BRIP1: variants seen among roughly 807,000 people sequenced by gnomAD.
BRIP1 encodes Fanconi anemia group J protein.
In BRIP1, 88 loss-of-function variants were observed where a neutral mutation model predicts 119.7. That is an observed-to-expected ratio of 0.74 (90% CI 0.62 to 0.88). BRIP1 has a LOEUF of 0.88. BRIP1 is among the 40% of genes least tolerant of loss of function. The pLI, the probability that BRIP1 is intolerant of heterozygous loss-of-function variation, is 0.00. For synonymous variants in BRIP1, 443 were observed against 496.5 expected (o/e 0.89, Z 1.43); for missense variants, 1,259 against 1,455.4 (o/e 0.87, Z 2.20).
In BRIP1 at chr17:61,776,017, G is replaced by T; in HGVS notation, c.2097+384C>A. The T allele has an allele frequency of 4.1e-6, 1 of 244,954 alleles. No homozygotes were observed. Among genetic ancestry groups the T allele is most frequent in the Non-Finnish European group, 8.1e-6 (1 of 123,736 alleles). 15.2% of individuals were successfully genotyped at this position (244,954 alleles called of 1,614,324 possible). A position where few individuals can be genotyped will look rare whatever the true frequency, so the allele number is the denominator to read the frequency against. On this transcript the variant is annotated intron_variant, in intron 14 of 19. Transcript: ENST00000259008. The surrounding 1 kb of genome is among the most constrained non-coding windows in gnomAD (Gnocchi z 5.0). ...TCCCACCTCAGCCTCGCAGGTAGCTGGGACTATAGGTGTGTGCCACCACAC... is the reference window on the plus strand; with the variant it reads ...TCCCACCTCAGCCTCGCAGGTAGCTTGGACTATAGGTGTGTGCCACCACAC...
chr17:61,850,103 T>TC (rs1436783769), intron 4 of BRIP1, among the ~76,000 whole-genome samples: 1 of 125,710 alleles, frequency 8.0e-6, no homozygotes, highest in Non-Finnish European at 1.7e-5. Context: ...TTTTTAACCA[T>TC]CTTTTTTTTT....
chr17:61,749,943 G>C (rs1198414978), intron 14 of BRIP1, among the ~76,000 whole-genome samples: 2 of 152,118 alleles, frequency 1.3e-5, no homozygotes, highest in South Asian at 4.1e-4. Flanking sequence ...TTAAAAATAA[G>C]ATCTTTAGGA....
At chr17:61,715,699 T>C (rs1285787920) in intron 17 of BRIP1, among the ~76,000 whole-genome samples, 2 of 152,232 alleles carry the variant, frequency 1.3e-5, no homozygotes, top group Non-Finnish European at 2.9e-5. Context: ...CTTTGTGTGC[T>C]ATTCATTGTT....
At position 61,681,332 on chromosome 17, in the gene BRIP1, A is replaced by G. The variant is rs140267868; in HGVS notation, c.*1964T>C. 433 of 210,508 alleles carry G rather than the reference A, an allele frequency of 2.1e-3. 2 individuals are homozygous for G. Among genetic ancestry groups the G allele is most frequent in the African/African-American group, 9.3e-3 (412 of 44,148 alleles). The allele number at this position is 210,508 out of a possible 1,614,324, so 13.0% of individuals were successfully genotyped here. A position where few individuals can be genotyped will look rare whatever the true frequency, so the allele number is the denominator to read the frequency against. On this transcript the variant is annotated 3_prime_UTR_variant, in exon 20 of 20. Coordinates refer to ENST00000259008, the MANE Select transcript of BRIP1 (RefSeq NM_032043.3). The surrounding 1 kb of genome is among the most constrained non-coding windows in gnomAD (Gnocchi z 5.1). ...CTGGAACAAAAGCAAATGAAAATCG[A>G]CTCAGAATATCAACAGACATTCCTT... is the stretch of plus-strand genomic sequence containing the variant.
Position 61,744,723 on chromosome 17 carries a change from A to G in BRIP1, c.2098-132T>C. 2 of 824,790 alleles carry G rather than the reference A, an allele frequency of 2.4e-6. No individual in the cohort carries two copies. The highest frequency in any genetic ancestry group is 4.0e-6 in the Non-Finnish European group (2 of 501,766). 51.1% of individuals were successfully genotyped at this position (824,790 alleles called of 1,614,324 possible). On this transcript the variant is annotated intron_variant, in intron 14 of 19. Transcript: ENST00000259008. The surrounding 1 kb of genome is among the most constrained non-coding windows in gnomAD (Gnocchi z 5.0). ...GTCTTTTCTCATTTATAAAATGAGGAAAACAATATATCTCATAGAGCTGTT... is the reference window on the plus strand; with the variant it reads ...GTCTTTTCTCATTTATAAAATGAGGGAAACAATATATCTCATAGAGCTGTT...
In BRIP1 at chr17:61,815,180, A is replaced by T. The variant is rs7222799; in HGVS notation, c.628-6423T>A. Among the ~76,000 whole-genome samples, 1 of 151,178 alleles carries T rather than the reference A, an allele frequency of 6.6e-6. No individual in the cohort carries two copies. The highest frequency in any genetic ancestry group is 2.4e-5 in the African/African-American group (1 of 41,196). On this transcript the variant is annotated intron_variant, in intron 6 of 19. Transcript: ENST00000259008. The surrounding 1 kb of genome is among the most constrained non-coding windows in gnomAD (Gnocchi z 4.1). ...GTTTCTCCTCAGTTGTTTCATACCC[A>T]GCAGAATAGCTTTCATCTTAACACC...
chr17:61,834,814 G>A lies in BRIP1; in HGVS notation c.627+12287C>T, dbSNP rs183236508. Among the ~76,000 whole-genome samples the A allele has an allele frequency of 9.1e-4, 138 of 152,290 alleles. No individual in the cohort carries two copies. Among genetic ancestry groups the A allele is most frequent in the Non-Finnish European group, 1.7e-3 (117 of 68,026 alleles). On this transcript the variant is annotated intron_variant, in intron 6 of 19. Coordinates refer to ENST00000259008, the MANE Select transcript of BRIP1 (RefSeq NM_032043.3). This position sits in a 1 kb window ranked among gnomAD's most constrained non-coding sequence, Gnocchi z 4.4. ...CTACCAATCAACTCCCTGAAGCAGG[G>A]CTGCCTTGCTGACTTACAGCTGACC... is the stretch of plus-strand genomic sequence containing the variant.
Position 61,751,491 on chromosome 17 carries a change from T to A in BRIP1, c.2098-6900A>T, listed in dbSNP as rs1329669486. 2.6e-5 allele frequency among the ~76,000 whole-genome samples: 4 copies of A among 152,186 alleles called. No individual in the cohort carries two copies. The highest frequency in any genetic ancestry group is 6.5e-5 in the Admixed American group (1 of 15,282). Reference sequence around the variant, plus strand: ...TGCTTAAAAGGTAAATTTTATGTCATGTGTATTTTACCACAATTTTAAAAA... The same window carrying A: ...TGCTTAAAAGGTAAATTTTATGTCAAGTGTATTTTACCACAATTTTAAAAA... On this transcript the variant is annotated intron_variant, in intron 14 of 19. Transcript: ENST00000259008. The surrounding 1 kb of genome is among the most constrained non-coding windows in gnomAD (Gnocchi z 6.7).
Position 61,774,676 on chromosome 17 carries a change from T to C in BRIP1, c.2097+1725A>G, listed in dbSNP as rs1235482050. 6.6e-6 allele frequency among the ~76,000 whole-genome samples: 1 copy of C among 152,196 alleles called. No homozygotes were observed. The highest frequency in any genetic ancestry group is 1.5e-5 in the Non-Finnish European group (1 of 68,026). On this transcript the variant is annotated intron_variant, in intron 14 of 19. Coordinates refer to ENST00000259008, the MANE Select transcript of BRIP1 (RefSeq NM_032043.3). The surrounding 1 kb of genome is among the most constrained non-coding windows in gnomAD (Gnocchi z 5.8). ...ACCTGCAGAACAATTAATTTCGCAA[T>C]CAAAGAAATAAACTCAATTGGAACA...
At chr17:61,838,255 G>A (rs1743605831) in intron 6 of BRIP1, among the ~76,000 whole-genome samples, 1 of 152,024 alleles carries the variant, frequency 6.6e-6, no homozygotes, top group African/African-American at 2.4e-5. Context: ...AGAATTTAAA[G>A]GTGTTAGAAT....
At chr17:61,712,955 A>G (rs761091924) in intron 17 of BRIP1, among the ~76,000 whole-genome samples, 5 of 152,188 alleles carry the variant, frequency 3.3e-5, no homozygotes, top group African/African-American at 4.8e-5. Flanking sequence ...AGCATTTACA[A>G]ATTAGATGTT....
chr17:61,805,648 T>C lies in BRIP1; in HGVS notation c.918+2819A>G, dbSNP rs1412978699. Among the ~76,000 whole-genome samples the C allele has an allele frequency of 6.6e-6, 1 of 152,234 alleles. No individual in the cohort carries two copies. Among genetic ancestry groups the C allele is most frequent in the Non-Finnish European group, 1.5e-5 (1 of 68,040 alleles). ...ACCAGAAGGCTTGTAAGATTCCTTCTGACTCACTGACTATATCATCTCTAA... is the reference window on the plus strand; with the variant it reads ...ACCAGAAGGCTTGTAAGATTCCTTCCGACTCACTGACTATATCATCTCTAA... On this transcript the variant is annotated intron_variant, in intron 7 of 19. Coordinates refer to ENST00000259008, the MANE Select transcript of BRIP1 (RefSeq NM_032043.3). This position sits in a 1 kb window ranked among gnomAD's most constrained non-coding sequence, Gnocchi z 5.6.
In BRIP1 at chr17:61,775,556, A is replaced by G. The variant is rs557844725; in HGVS notation, c.2097+845T>C. On this transcript the variant is annotated intron_variant, in intron 14 of 19. Coordinates refer to ENST00000259008, the MANE Select transcript of BRIP1 (RefSeq NM_032043.3). The surrounding 1 kb of genome is among the most constrained non-coding windows in gnomAD (Gnocchi z 4.4). The stretch of plus-strand genomic sequence containing the variant: ...CAATGTGATGTTACTTTCAGGAATT[A>G]TAAGTGGTTTCAATGCTTTGAATGT... 2.0e-5 allele frequency among the ~76,000 whole-genome samples: 3 copies of G among 152,350 alleles called. No homozygotes were observed. In the South Asian group the frequency reaches 6.2e-4, roughly 32 times the overall value.
chr17:61,792,449 CTG>C (rs1403029307), intron 10 of BRIP1, among the ~76,000 whole-genome samples: 4 of 152,268 alleles, frequency 2.6e-5, no homozygotes, highest in African/African-American at 9.6e-5. Context: ...AATGGATAAA[CTG>C]TGGTACATCC....
At chr17:61,817,128 A>G (rs1421219923) in intron 6 of BRIP1, among the ~76,000 whole-genome samples, 1 of 152,240 alleles carries the variant, frequency 6.6e-6, no homozygotes, top group Non-Finnish European at 1.5e-5. Flanking sequence ...GCCTCCTGAT[A>G]TAAGAAATAT....
chr17:61,707,177 G>C lies in BRIP1; in HGVS notation c.2492+8774C>G, dbSNP rs144420127. Among the ~76,000 whole-genome samples the C allele has an allele frequency of 6.6e-3, 1,011 of 152,166 alleles. 4 individuals carry two copies. The highest frequency in any genetic ancestry group is 9.6e-3 in the Non-Finnish European group (656 of 67,990). On this transcript the variant is annotated intron_variant, in intron 17 of 19. Coordinates refer to ENST00000259008, the MANE Select transcript of BRIP1 (RefSeq NM_032043.3). ...ATAGTTTGGCTCATGTAGAACTTAA[G>C]TTACAAATCAAAAATTTCCCTAAAA...
chr17:61,805,186 A>G lies in BRIP1; in HGVS notation c.918+3281T>C, dbSNP rs1254239747. Among the ~76,000 whole-genome samples, 1 of 152,194 alleles carries G rather than the reference A, an allele frequency of 6.6e-6. No homozygotes were observed. Among genetic ancestry groups the G allele is most frequent in the Non-Finnish European group, 1.5e-5 (1 of 68,036 alleles). The stretch of plus-strand genomic sequence containing the variant: ...CACAAATGTATCTAGATATTGCTAG[A>G]AACAAAGTAAACCATAAGAGATTCA... On this transcript the variant is annotated intron_variant, in intron 7 of 19. Transcript: ENST00000259008. This position sits in a 1 kb window ranked among gnomAD's most constrained non-coding sequence, Gnocchi z 5.6.
rs1206113413 is a variant in BRIP1 at position 61,855,820 on chromosome 17, T to G, written c.379+1238A>C. Among the ~76,000 whole-genome samples the G allele has an allele frequency of 2.0e-5, 3 of 152,140 alleles. No individual in the cohort carries two copies. In the East Asian group the frequency reaches 5.8e-4, roughly 29 times the overall value. On this transcript the variant is annotated intron_variant, in intron 4 of 19. Transcript: ENST00000259008. The stretch of plus-strand genomic sequence containing the variant: ...AAGCAAATTGACAATATTCCTAACC[T>G]CATGAAGTAGTCTGCCAAGGAAGCA...
chr17:61,694,513 T>C (rs2061494486), intron 17 of BRIP1, among the ~76,000 whole-genome samples: 1 of 152,102 alleles, frequency 6.6e-6, no homozygotes, highest in Non-Finnish European at 1.5e-5. Flanking sequence ...TGAATACATG[T>C]TTTTTATTCT....
Sources: gnomAD v4.1 joint callset for allele counts (sites outside exome capture counted in the v4.1 genomes callset) on GRCh38, gnomAD v4.1.1 for gene constraint, Gnocchi (gnomAD v3.1) non-coding constraint, MANE v1.5 for transcripts, NCBI Gene and HGNC (gene_info 2026-07-23, HGNC 2026-07-21) for gene names.